Variants in FAM168B observed in about 807,000 individuals in gnomAD.
FAM168B encodes the protein myelin-associated neurite-outgrowth inhibitor.
A neutral mutation model predicts 21.8 loss-of-function variants in FAM168B; 19 were observed. The observed-to-expected ratio is 0.87, with a 90% CI of 0.61 to 1.28. The LOEUF is 1.28. Ranked by LOEUF, FAM168B falls within the 50% of genes most tolerant of loss-of-function variation. The probability of loss-of-function intolerance (pLI) is 0.00; values close to 1 mark genes in which losing one functional copy is unlikely to be tolerated. For missense variants in FAM168B, 233 were observed against 263.1 expected, an observed-to-expected ratio of 0.89 and a Z score of 0.79; for synonymous variants, 126 against 104.8, an observed-to-expected ratio of 1.20 and a Z score of -1.24.
chr2:131,050,988 G>T lies in FAM168B; in HGVS notation c.*1477C>A, dbSNP rs902406045. 2.6e-5 allele frequency: 26 copies of T among 984,914 alleles called. No individual in the cohort carries two copies. Among genetic ancestry groups the T allele is most frequent in the Non-Finnish European group, 3.0e-5 (25 of 829,956 alleles). The allele number at this position is 984,914 out of a possible 1,614,324, so 61.0% of individuals were successfully genotyped here. On this transcript the variant is annotated 3_prime_UTR_variant, in exon 7 of 7. Coordinates refer to ENST00000389915, the MANE Select transcript of FAM168B (RefSeq NM_001009993.4). ...CATGGATACAGGACGGGCATATTTT[G>T]GGGGCGGGGTGGAGGGAAGCCTTTT...
chr2:131,065,178 T>C (rs531546898), intron 3 of FAM168B, among the ~76,000 whole-genome samples: 2 of 152,298 alleles, frequency 1.3e-5, no homozygotes, highest in South Asian at 2.1e-4. Context: ...AAACATGTCA[T>C]GTGGAAGCAC....
chr2:131,080,816 C>G (rs1693394839), intron 2 of FAM168B, among the ~76,000 whole-genome samples: 2 of 151,492 alleles, frequency 1.3e-5, no homozygotes, highest in African/African-American at 2.4e-5. Context: ...GATACAGGCG[C>G]CCGCCACCAT....
chr2:131,056,298 A>G (rs1692017113), intron 3 of FAM168B, among the ~76,000 whole-genome samples: 1 of 152,234 alleles, frequency 6.6e-6, no homozygotes, highest in Non-Finnish European at 1.5e-5. Context: ...GAAAATGACA[A>G]TAAAGCAGAT....
At chr2:131,087,088 G>T (rs1470960709) in intron 1 of FAM168B, among the ~76,000 whole-genome samples, 1 of 118,242 alleles carries the variant, frequency 8.5e-6, no homozygotes, top group African/African-American at 3.3e-5. Context: ...AAAAAAAAGA[G>T]TCACAAGAGA....
At chr2:131,078,843 A>G (rs1216237356) in intron 2 of FAM168B, among the ~76,000 whole-genome samples, 1 of 151,928 alleles carries the variant, frequency 6.6e-6, no homozygotes. Flanking sequence ...AAAATTATTC[A>G]GGCATGGTAG....
At chr2:131,090,377 G>C (rs1316440769) in intron 1 of FAM168B, among the ~76,000 whole-genome samples, 1 of 151,118 alleles carries the variant, frequency 6.6e-6, no homozygotes, top group Admixed American at 6.6e-5. Context: ...TTGTTTCCTG[G>C]TTTGGAAACA....
intron 6 of FAM168B, 144 bp downstream of exon 6, chr2:131,052,747 C>CA: frequency 2.3e-6 from 3 of 1,317,724 alleles, no homozygotes; most frequent in Non-Finnish European, 2.0e-6. Flanking sequence ...TCAATAAAAA[C>CA]AAAAAATTTA....
chr2:131,089,552 G>A (rs988875584), intron 1 of FAM168B, among the ~76,000 whole-genome samples: 1 of 149,846 alleles, frequency 6.7e-6, no homozygotes, highest in Non-Finnish European at 1.5e-5. Flanking sequence ...CTAACACGGT[G>A]AAACCTGTCT....
chr2:131,058,197 T>A (rs1193719086), intron 3 of FAM168B, among the ~76,000 whole-genome samples: 2 of 152,176 alleles, frequency 1.3e-5, no homozygotes, highest in African/African-American at 4.8e-5. Context: ...CCTGGGAAAT[T>A]CACTAGTCTG....
In FAM168B at chr2:131,082,602, T is replaced by G. The variant is rs1693476110; in HGVS notation, c.45A>C (p.Ala15=). ...YSPGSSGVPY[A]NAKGIGYPAG... is the part of the protein sequence containing the mutation. ...CTGGATAACCAATTCCTTTGGCATT[T>G]GCATAGGGAACCCCAGAAGATCCAG... Residue 15 remains alanine (A), a synonymous_variant, in exon 2 of 7, where the codon GCA becomes GCC. Transcript: ENST00000389915. 1.2e-6 allele frequency: 2 copies of G among 1,609,552 alleles called. No homozygotes were observed. The highest frequency in any genetic ancestry group is 2.2e-5 in the South Asian group (2 of 89,830).
intron 2 of FAM168B, among the ~76,000 whole-genome samples, chr2:131,072,717 G>A (rs765110536): frequency 1.6e-4 from 25 of 151,936 alleles, no homozygotes; most frequent in Non-Finnish European, 3.5e-4. Flanking sequence ...TCAGCCTCCC[G>A]AAGTGCTGGG....
At position 131,050,174 on chromosome 2, in the gene FAM168B, A is replaced by C; in HGVS notation, c.*2291T>G. 1.0e-6 allele frequency: 1 copy of C among 985,506 alleles called. No homozygotes were observed. The highest frequency in any genetic ancestry group is 4.7e-5 in the South Asian group (1 of 21,292). The allele number at this position is 985,506 out of a possible 1,614,324, so 61.0% of individuals were successfully genotyped here. On this transcript the variant is annotated 3_prime_UTR_variant, in exon 7 of 7. Coordinates refer to ENST00000389915, the MANE Select transcript of FAM168B (RefSeq NM_001009993.4). ...TTTAAAACACCATCCTGTGTGTGCC[A>C]AGTACCAAGCAAGCCTGAAGAGATG... is the stretch of plus-strand genomic sequence containing the variant.
chr2:131,081,664 G>T (rs1693440900), intron 2 of FAM168B, among the ~76,000 whole-genome samples: 1 of 152,098 alleles, frequency 6.6e-6, no homozygotes, highest in Non-Finnish European at 1.5e-5. Context: ...CTGATAAGAA[G>T]TCTCACTCTC....
chr2:131,076,942 A>G (rs886474779), intron 2 of FAM168B, among the ~76,000 whole-genome samples: 1 of 151,920 alleles, frequency 6.6e-6, no homozygotes, highest in Admixed American at 6.6e-5. Context: ...ACATTCTGTT[A>G]GCCAGGCTGT....
At chr2:131,074,379 G>C (rs150979075) in intron 2 of FAM168B, among the ~76,000 whole-genome samples, 1 of 152,012 alleles carries the variant, frequency 6.6e-6, no homozygotes, top group Non-Finnish European at 1.5e-5. Flanking sequence ...CGCCCTCCTC[G>C]GCCTCCCAAA....
chr2:131,071,151 T>C (rs1692851485), intron 3 of FAM168B, among the ~76,000 whole-genome samples: 1 of 152,228 alleles, frequency 6.6e-6, no homozygotes. Context: ...ACACTGCTGT[T>C]GTCTCCTCCT....
intron 3 of FAM168B, among the ~76,000 whole-genome samples, chr2:131,062,122 T>C (rs1362745145): frequency 6.6e-6 from 1 of 152,202 alleles, no homozygotes; most frequent in Non-Finnish European, 1.5e-5. Flanking sequence ...GACCTTTTTA[T>C]CACTCTTCAA....
intron 2 of FAM168B, among the ~76,000 whole-genome samples, chr2:131,079,575 C>A (rs1693331729): frequency 6.6e-6 from 1 of 152,174 alleles, no homozygotes; most frequent in Non-Finnish European, 1.5e-5. Context: ...CTGCAGACAG[C>A]CACCAGAAAC....
In FAM168B at chr2:131,058,435, G is replaced by A. The variant is rs543939938; in HGVS notation, c.155-2740C>T. Among the ~76,000 whole-genome samples the A allele has an allele frequency of 3.3e-5, 5 of 152,278 alleles. No individual in the cohort carries two copies. The East Asian group carries it at 9.7e-4, about 29-fold the overall frequency. On this transcript the variant is annotated intron_variant, in intron 3 of 6. Transcript: ENST00000389915. ...CAAACAACAGGTGGTCCTGTCCTAT[G>A]CAGCAAAGCGGGTGCTCACACCCAG...
Sources: allele counts gnomAD v4.1 joint callset (sites outside exome capture counted in the v4.1 genomes callset), GRCh38; gene constraint gnomAD v4.1.1; transcripts MANE v1.5; gene names NCBI Gene and HGNC (gene_info 2026-07-23, HGNC 2026-07-21).